The following RNF130 variants were observed in gnomAD, a reference collection of about 807,000 sequenced individuals.
The protein encoded by RNF130 is ring finger protein 130.
In RNF130, 21 loss-of-function variants were observed where a neutral mutation model predicts 44.6. The observed-to-expected ratio is 0.47, with a 90% confidence interval of 0.33 to 0.68. RNF130 has a LOEUF of 0.68. Ranked by LOEUF, RNF130 falls within the 30% of genes least tolerant of loss-of-function variation. The pLI is 0.02. For missense variants in RNF130, 479 were observed against 560.6 expected (o/e 0.85, Z 1.47); for synonymous variants, 214 against 210.4 (o/e 1.02, Z -0.15).
At chr5:179,987,270 C>T (rs1488770337) in intron 3 of RNF130, among the ~76,000 whole-genome samples, 2 of 152,102 alleles carry the variant, frequency 1.3e-5, no homozygotes, top group African/African-American at 4.8e-5. Context: ...TGGGCTCAAT[C>T]CATCCTCCTG....
chr5:179,973,042 T>A (rs1762621175), intron 5 of RNF130, among the ~76,000 whole-genome samples: 1 of 152,054 alleles, frequency 6.6e-6, no homozygotes, highest in Admixed American at 6.6e-5. Flanking sequence ...TAAATGAAAA[T>A]CTGAAATATT....
intron 3 of RNF130, among the ~76,000 whole-genome samples, chr5:180,012,197 G>A (rs903899231): frequency 3.3e-5 from 5 of 152,250 alleles, no homozygotes; most frequent in Admixed American, 2.0e-4. Flanking sequence ...CAAAGTCTGC[G>A]CTTTTTCCGC....
intron 3 of RNF130, among the ~76,000 whole-genome samples, chr5:179,996,548 T>C (rs1383694417): frequency 6.6e-6 from 1 of 152,252 alleles, no homozygotes; most frequent in Non-Finnish European, 1.5e-5. Context: ...TCAAATGCTT[T>C]TTCTGCATCT....
chr5:179,926,551 A>AG (rs35503311), intron 7 of RNF130, among the ~76,000 whole-genome samples: 84,234 of 151,918 alleles, frequency 0.55, 25,584 homozygotes, highest in African/African-American at 0.79. Flanking sequence ...CGGGAGGCTG[A>AG]GCAGGGGAAT....
intron 1 of RNF130, among the ~76,000 whole-genome samples, chr5:180,055,588 T>C (rs1191307468): frequency 1.3e-5 from 2 of 152,162 alleles, no homozygotes; most frequent in African/African-American, 4.8e-5. Flanking sequence ...CTCTCATTCA[T>C]CCGTTTGTTT....
intron 2 of RNF130, among the ~76,000 whole-genome samples, chr5:180,025,947 T>C (rs1055780823): frequency 6.6e-6 from 1 of 152,228 alleles, no homozygotes; most frequent in Non-Finnish European, 1.5e-5. Flanking sequence ...GATTTCTTTT[T>C]ACTTGTTTTC....
intron 1 of RNF130, among the ~76,000 whole-genome samples, chr5:180,064,678 C>G (rs752954731): frequency 2.0e-5 from 3 of 152,122 alleles, no homozygotes; most frequent in Non-Finnish European, 2.9e-5. Context: ...CTCTTGAATC[C>G]CCATCCTGTG....
At chr5:180,005,539 A>G (rs1030676700) in intron 3 of RNF130, among the ~76,000 whole-genome samples, 1 of 152,200 alleles carries the variant, frequency 6.6e-6, no homozygotes, top group East Asian at 1.9e-4. Context: ...TATTCATCTA[A>G]TATCAGCTCA....
At chr5:180,015,350 C>T (rs371316305) in intron 2 of RNF130, 102 of 533,654 alleles carry the variant, frequency 1.9e-4, no homozygotes, top group Non-Finnish European at 2.8e-4. Flanking sequence ...ATCCCACAAA[C>T]GACATATGAC....
intron 2 of RNF130, among the ~76,000 whole-genome samples, chr5:180,023,379 C>T (rs910573164): frequency 1.3e-5 from 2 of 152,154 alleles, no homozygotes; most frequent in South Asian, 4.1e-4. Context: ...CTCCAATAAA[C>T]AGAAACCAGG....
intron 7 of RNF130, among the ~76,000 whole-genome samples, chr5:179,942,144 G>A (rs565371975): frequency 2.1e-5 from 2 of 94,504 alleles, no homozygotes; most frequent in Non-Finnish European, 4.5e-5. Context: ...GTCCAAATAG[G>A]TTTCACTTAG....
intron 6 of RNF130, among the ~76,000 whole-genome samples, chr5:179,967,922 A>T (rs1395949312): frequency 6.6e-6 from 1 of 152,248 alleles, no homozygotes; most frequent in Non-Finnish European, 1.5e-5. Context: ...CATTACATTT[A>T]AGGATCCAAT....
At chr5:179,994,166 T>C (rs947606903) in intron 3 of RNF130, among the ~76,000 whole-genome samples, 1 of 152,236 alleles carries the variant, frequency 6.6e-6, no homozygotes, top group Non-Finnish European at 1.5e-5. Flanking sequence ...GCATGACGCC[T>C]CCAGTTTTGT....
intron 1 of RNF130, among the ~76,000 whole-genome samples, chr5:180,061,805 G>A (rs1188706097): frequency 6.6e-6 from 1 of 152,152 alleles, no homozygotes; most frequent in Non-Finnish European, 1.5e-5. Flanking sequence ...GGTTCTAGGG[G>A]GACATGAATT....
chr5:180,021,891 G>C (rs12521533), intron 2 of RNF130, among the ~76,000 whole-genome samples: 1 of 152,142 alleles, frequency 6.6e-6, no homozygotes, highest in Admixed American at 6.5e-5. Flanking sequence ...CAGCAGCCCA[G>C]GTCCGAGTCA....
At chr5:179,946,598 G>A (rs1222190394) in intron 7 of RNF130, among the ~76,000 whole-genome samples, 1 of 149,268 alleles carries the variant, frequency 6.7e-6, no homozygotes, top group Non-Finnish European at 1.5e-5. Flanking sequence ...CTGTCGCCCA[G>A]GCTGGAGTGC....
intron 3 of RNF130, among the ~76,000 whole-genome samples, chr5:179,988,534 A>G (rs978789099): frequency 1.3e-5 from 2 of 152,132 alleles, no homozygotes; most frequent in African/African-American, 4.8e-5. Flanking sequence ...TTAGGCATTC[A>G]TTGCTATAAA....
chr5:179,943,230 GAC>G (rs1761990414), intron 7 of RNF130, among the ~76,000 whole-genome samples: 1 of 152,184 alleles, frequency 6.6e-6, no homozygotes, highest in Admixed American at 6.5e-5. Flanking sequence ...AAGGAAAATG[GAC>G]AGGTCACTGA....
chr5:179,980,436 G>C, intron 3 of RNF130: 1 of 444,394 alleles, frequency 2.3e-6, no homozygotes, highest in Non-Finnish European at 4.1e-6. Flanking sequence ...TAGAACTATA[G>C]GTCTTCAATT....
Sources: gnomAD v4.1 joint callset for allele counts (sites outside exome capture counted in the v4.1 genomes callset) on GRCh38, gnomAD v4.1.1 for gene constraint, MANE v1.5 for transcripts, NCBI Gene and HGNC (gene_info 2026-07-23, HGNC 2026-07-21) for gene names.